Variants in DYNC1I1 observed in about 807,000 individuals in gnomAD.
DYNC1I1 encodes cytoplasmic dynein 1 intermediate chain 1.
DYNC1I1 carries 43 observed loss-of-function variants against 86.6 expected under a neutral mutation model. The observed-to-expected ratio is 0.50, with a 90% CI of 0.39 to 0.64. The LOEUF is 0.64. Ranked by LOEUF, DYNC1I1 falls within the 30% of genes least tolerant of loss-of-function variation. The pLI is 0.00. For synonymous variants in DYNC1I1, 262 were observed against 283.7 expected (o/e 0.92, Z 0.77); for missense variants, 604 against 788.8 (o/e 0.77, Z 2.81).
intron 4 of DYNC1I1, among the ~76,000 whole-genome samples, chr7:95,825,088 G>A (rs1584256000): frequency 2.0e-5 from 3 of 152,288 alleles, no homozygotes; most frequent in Middle Eastern, 6.8e-3. Context: ...AATAACTATG[G>A]TTTCTGTTAC....
intron 6 of DYNC1I1, among the ~76,000 whole-genome samples, chr7:95,925,575 G>A (rs1272851632): frequency 6.6e-6 from 1 of 152,172 alleles, no homozygotes; most frequent in Non-Finnish European, 1.5e-5. Flanking sequence ...GCGGGCATGA[G>A]TCTGTCTAAC....
chr7:95,905,083 T>C lies in DYNC1I1; in HGVS notation c.490+35085T>C, dbSNP rs559284672. ...TAGTTTAAGCAAGTGGGTCAATTTATTGTTTCTGACCCTTATTTAAAGTGT... is the reference window on the plus strand; with the variant it reads ...TAGTTTAAGCAAGTGGGTCAATTTACTGTTTCTGACCCTTATTTAAAGTGT... On this transcript the variant is annotated intron_variant, in intron 6 of 16. Coordinates refer to ENST00000447467, the MANE Select transcript of DYNC1I1 (RefSeq NM_001135556.2). 1.7e-3 allele frequency among the ~76,000 whole-genome samples: 257 copies of C among 152,346 alleles called. 1 individual carries two copies. The highest frequency in any genetic ancestry group is 5.8e-3 in the African/African-American group (241 of 41,594).
chr7:96,037,363 C>T (rs1358211966), intron 13 of DYNC1I1, among the ~76,000 whole-genome samples: 1 of 152,156 alleles, frequency 6.6e-6, no homozygotes. Flanking sequence ...TTAGGTTCTG[C>T]AAGGCCTGCA....
At chr7:95,924,138 A>G (rs1424078740) in intron 6 of DYNC1I1, among the ~76,000 whole-genome samples, 1 of 152,136 alleles carries the variant, frequency 6.6e-6, no homozygotes, top group African/African-American at 2.4e-5. Context: ...CATCTCCCCA[A>G]GTTTCTTTGC....
intron 7 of DYNC1I1, among the ~76,000 whole-genome samples, chr7:95,980,183 A>G (rs1297330219): frequency 6.6e-6 from 1 of 152,158 alleles, no homozygotes; most frequent in Non-Finnish European, 1.5e-5. Context: ...TAAAAGTCAA[A>G]AAGAAGTTTG....
chr7:95,989,678 G>C (rs1793682795), intron 9 of DYNC1I1, among the ~76,000 whole-genome samples: 1 of 152,202 alleles, frequency 6.6e-6, no homozygotes, highest in Non-Finnish European at 1.5e-5. Context: ...TGATGTTTGT[G>C]TTGGAGGAAG....
intron 1 of DYNC1I1, among the ~76,000 whole-genome samples, chr7:95,789,209 T>G (rs1422248157): frequency 2.6e-5 from 4 of 152,206 alleles, no homozygotes; most frequent in Admixed American, 6.5e-5. Flanking sequence ...TGGGCCAGGG[T>G]AGGGAATTTG....
At chr7:95,945,095 AT>A (rs1424897081) in intron 6 of DYNC1I1, among the ~76,000 whole-genome samples, 2 of 151,760 alleles carry the variant, frequency 1.3e-5, no homozygotes, top group African/African-American at 2.4e-5. Flanking sequence ...ATAAAAAACC[AT>A]TTTTTAATAC....
In DYNC1I1 at chr7:95,930,885, C is replaced by G. The variant is rs531167761; in HGVS notation, c.491-46627C>G. Among the ~76,000 whole-genome samples, 8 of 152,204 alleles carry G rather than the reference C, an allele frequency of 5.3e-5. No homozygotes were observed. The South Asian group carries it at 6.2e-4, about 12-fold the overall frequency. On this transcript the variant is annotated intron_variant, in intron 6 of 16. Coordinates refer to ENST00000447467, the MANE Select transcript of DYNC1I1 (RefSeq NM_001135556.2). ...AAGCTTTTCAGAGTGGGATTCTGCC[C>G]CCATTGTTTCTTGTCTGTTAGCTCT...
intron 14 of DYNC1I1, among the ~76,000 whole-genome samples, chr7:96,042,490 T>C (rs1054306712): frequency 2.6e-5 from 4 of 152,186 alleles, no homozygotes; most frequent in Non-Finnish European, 5.9e-5. Context: ...AAGAAATTAC[T>C]GATTCTAAGC....
intron 6 of DYNC1I1, among the ~76,000 whole-genome samples, chr7:95,910,597 A>G (rs542091918): frequency 1.1e-3 from 175 of 152,308 alleles, no homozygotes; most frequent in African/African-American, 4.0e-3. Flanking sequence ...GCCAGTAAGT[A>G]GAGCAGAGAG....
chr7:96,030,301 T>G (rs898779421), intron 11 of DYNC1I1, among the ~76,000 whole-genome samples: 7 of 151,758 alleles, frequency 4.6e-5, no homozygotes, highest in Non-Finnish European at 1.5e-5. Flanking sequence ...ATGGGTATAC[T>G]GTAGCTTTCT....
At chr7:95,989,957 GAGAT>G (rs1415949794) in intron 9 of DYNC1I1, among the ~76,000 whole-genome samples, 2 of 152,142 alleles carry the variant, frequency 1.3e-5, no homozygotes, top group Non-Finnish European at 2.9e-5. Flanking sequence ...AGAAAGAAGA[GAGAT>G]AGAGGAACAG....
intron 5 of DYNC1I1, among the ~76,000 whole-genome samples, chr7:95,863,347 G>A (rs1460823444): frequency 6.6e-6 from 1 of 152,074 alleles, no homozygotes; most frequent in African/African-American, 2.4e-5. Context: ...GCTAGGCGAG[G>A]CGGGAATGGG....
intron 6 of DYNC1I1, among the ~76,000 whole-genome samples, chr7:95,924,961 A>ATC (rs1177750483): frequency 6.6e-6 from 1 of 152,180 alleles, no homozygotes; most frequent in East Asian, 1.9e-4. Context: ...CAGCCCTCTG[A>ATC]TCTCTCAAGG....
chr7:95,891,221 A>T (rs1790728382), intron 6 of DYNC1I1, among the ~76,000 whole-genome samples: 1 of 152,192 alleles, frequency 6.6e-6, no homozygotes, highest in South Asian at 2.1e-4. Context: ...CTTCACTTGG[A>T]TTTCTAGCCC....
intron 10 of DYNC1I1, among the ~76,000 whole-genome samples, chr7:96,011,955 C>A (rs1274183905): frequency 6.6e-6 from 1 of 152,128 alleles, no homozygotes. Flanking sequence ...ACATACCGAT[C>A]AGCATAAAAT....
intron 4 of DYNC1I1, among the ~76,000 whole-genome samples, chr7:95,815,048 G>GC (rs1794917302): frequency 6.6e-6 from 1 of 152,018 alleles, no homozygotes; most frequent in African/African-American, 2.4e-5. Flanking sequence ...TACCATGATG[G>GC]TGCGTGTCAT....
At chr7:95,789,705 T>C (rs1794243071) in intron 1 of DYNC1I1, among the ~76,000 whole-genome samples, 1 of 152,202 alleles carries the variant, frequency 6.6e-6, no homozygotes, top group African/African-American at 2.4e-5. Flanking sequence ...TAACATACCT[T>C]GCAAATGTCA....
Sources: gnomAD v4.1 joint callset for allele counts (sites outside exome capture counted in the v4.1 genomes callset) on GRCh38, gnomAD v4.1.1 for gene constraint, MANE v1.5 for transcripts, NCBI Gene and HGNC (gene_info 2026-07-23, HGNC 2026-07-21) for gene names.